KIAA1549: variants seen among roughly 807,000 people sequenced by gnomAD.
The protein encoded by KIAA1549 is UPF0606 protein KIAA1549.
A neutral mutation model predicts 156.4 loss-of-function variants in KIAA1549; 70 were observed. That is an observed-to-expected ratio of 0.45 (90% CI 0.37 to 0.55). The LOEUF (loss-of-function observed/expected upper bound fraction) is 0.55. Among genes scored for constraint, KIAA1549 ranks in the 20% least tolerant of loss-of-function variants. KIAA1549 has a pLI of 0.00. For missense variants in KIAA1549, 2,428 were observed against 2,540.9 expected, an observed-to-expected ratio of 0.96 and a Z score of 0.96; for synonymous variants, 1,103 against 1,066.4, an observed-to-expected ratio of 1.03 and a Z score of -0.67.
Position 138,918,292 on chromosome 7 carries a change from CCT to C in KIAA1549, c.1332_1333del (p.Asp446TrpfsTer20). 6.2e-7 allele frequency: 1 copy of C among 1,613,980 alleles called. No individual in the cohort carries two copies. Among genetic ancestry groups the C allele is most frequent in the Non-Finnish European group, 8.5e-7 (1 of 1,179,882 alleles). On this transcript the variant is annotated frameshift_variant, in exon 2 of 20. Coordinates refer to ENST00000422774, the MANE Select transcript of KIAA1549 (RefSeq NM_001164665.2). LOFTEE classifies it high-confidence loss of function. This position sits in a 1 kb window ranked among gnomAD's most constrained non-coding sequence, Gnocchi z 4.2. Reference sequence around the variant, plus strand: ...CATGCACAGAGTCTCGGCACCATCCCCTGATCCCACGTCTTTCTCCATGAGGC... The same window carrying C: ...CATGCACAGAGTCTCGGCACCATCCCGATCCCACGTCTTTCTCCATGAGGC...
At chr7:138,921,328 C>T (rs1812557418) in intron 1 of KIAA1549, among the ~76,000 whole-genome samples, 1 of 152,238 alleles carries the variant, frequency 6.6e-6, no homozygotes, top group Admixed American at 6.5e-5. Flanking sequence ...TCCTCAGGAT[C>T]ATGTCCTAGA....
At chr7:138,975,452 T>A (rs1584796090) in intron 1 of KIAA1549, among the ~76,000 whole-genome samples, 1 of 152,094 alleles carries the variant, frequency 6.6e-6, no homozygotes. Context: ...TATAAGTGCA[T>A]TCCAAGACAT....
rs559816415 is a variant in KIAA1549, at chr7:138,907,144, T to C, written c.3277-42A>G. The C allele has an allele frequency of 1.1e-5, 15 of 1,412,254 alleles. No individual in the cohort carries two copies. The Admixed American group carries it at 3.4e-4, about 32-fold the overall frequency. 87.5% of individuals were successfully genotyped at this position (1,412,254 alleles called of 1,614,324 possible). ...AGAATAAGCTTCTATAATAAAACATTCTGCTGAAAGCTTAACCATGATTTC... is the reference window on the plus strand; with the variant it reads ...AGAATAAGCTTCTATAATAAAACATCCTGCTGAAAGCTTAACCATGATTTC... On this transcript the variant is annotated intron_variant, in intron 5 of 19. Transcript: ENST00000422774.
At chr7:138,863,159 C>A (rs181239323) in intron 15 of KIAA1549, among the ~76,000 whole-genome samples, 23 of 151,976 alleles carry the variant, frequency 1.5e-4, no homozygotes, top group Non-Finnish European at 2.4e-4. Context: ...GCCCAAACAG[C>A]ATGGTGACTG....
rs567717863 is a variant in KIAA1549 at position 138,839,372 on chromosome 7, T to A, written c.5598+761A>T. The stretch of plus-strand genomic sequence containing the variant: ...AAGCAAATGAAAGCACTTGTAGGAA[T>A]TACCGATGCTCATATTGAGTGAACA... On this transcript the variant is annotated intron_variant, in intron 19 of 19. Coordinates refer to ENST00000422774, the MANE Select transcript of KIAA1549 (RefSeq NM_001164665.2). 3.9e-5 allele frequency among the ~76,000 whole-genome samples: 6 copies of A among 152,290 alleles called. No individual in the cohort carries two copies. In the East Asian group the frequency reaches 1.2e-3, roughly 29 times the overall value.
intron 1 of KIAA1549, among the ~76,000 whole-genome samples, chr7:138,947,650 C>T (rs1813375053): frequency 6.6e-6 from 1 of 152,194 alleles, no homozygotes; most frequent in Non-Finnish European, 1.5e-5. Flanking sequence ...ATTACACTTG[C>T]TAACATCTGA....
intron 13 of KIAA1549, among the ~76,000 whole-genome samples, chr7:138,870,052 T>C (rs112778321): frequency 6.2e-4 from 94 of 152,066 alleles, no homozygotes; most frequent in African/African-American, 2.2e-3. Flanking sequence ...GGTTTCTCTA[T>C]GTTGGCCAGG....
Position 138,918,006 on chromosome 7 carries a change from G to T in KIAA1549, c.1620C>A (p.Ser540=). 2 of 1,602,658 alleles carry T rather than the reference G, an allele frequency of 1.2e-6. No homozygotes were observed. Among genetic ancestry groups the T allele is most frequent in the Non-Finnish European group, 8.5e-7 (1 of 1,174,590 alleles). The stretch of plus-strand genomic sequence containing the variant: ...TCACTTGGGTTTCAGCAACAGACAA[G>T]GAGCCAGCAGTAGGATCAAGTGACG... ...VPASLDPTAG[S]LSVAETQVTP... The change falls in exon 2 of 20, where the codon TCC becomes TCA. Residue 540 remains serine (S), a synonymous_variant. Coordinates refer to ENST00000422774, the MANE Select transcript of KIAA1549 (RefSeq NM_001164665.2). The surrounding 1 kb of genome is among the most constrained non-coding windows in gnomAD (Gnocchi z 4.2).
rs145478284 is a variant in KIAA1549 at position 138,947,033 on chromosome 7, T to C, written c.188-27595A>G. ...AGAAAAACCACAGTAGAGCATTCAC[T>C]GGGATTTTATCTACTTCCACGTTCT... On this transcript the variant is annotated intron_variant, in intron 1 of 19. Transcript: ENST00000422774. Among the ~76,000 whole-genome samples, 1,050 of 152,198 alleles carry C rather than the reference T, an allele frequency of 6.9e-3. 10 individuals carry two copies. The highest frequency in any genetic ancestry group is 0.024 in the African/African-American group (995 of 41,504).
At position 138,917,751 on chromosome 7, in the gene KIAA1549, G is replaced by C; in HGVS notation, c.1875C>G (p.Ser625Arg). 6.3e-7 allele frequency: 1 copy of C among 1,583,196 alleles called. No homozygotes were observed. The highest frequency in any genetic ancestry group is 8.6e-7 in the Non-Finnish European group (1 of 1,164,584). ...GTTCCAGCGGGGGTGTTGAGAAAAA[G>C]CTGGATGCAAAATCCAAAGCACCTC... Reference protein sequence around the residue: ...KPRGALDFASSFFSTPPLELS... With the variant: ...KPRGALDFASRFFSTPPLELS... Residue 625 changes from serine to arginine, a missense_variant, in exon 2 of 20, where the codon AGC becomes AGG. Transcript: ENST00000422774.
intron 1 of KIAA1549, among the ~76,000 whole-genome samples, chr7:138,920,208 C>A: frequency 6.6e-6 from 1 of 152,188 alleles, no homozygotes; most frequent in Non-Finnish European, 1.5e-5. Flanking sequence ...TCACCCCCGC[C>A]TGGAATGCCC....
chr7:138,960,892 A>G (rs1217961831), intron 1 of KIAA1549, among the ~76,000 whole-genome samples: 3 of 152,282 alleles, frequency 2.0e-5, no homozygotes, highest in East Asian at 3.8e-4. Context: ...AACATAAATG[A>G]TAAGAATGCT....
chr7:138,881,125 T>C (rs1004491075), intron 11 of KIAA1549, among the ~76,000 whole-genome samples: 1 of 152,214 alleles, frequency 6.6e-6, no homozygotes, highest in Non-Finnish European at 1.5e-5. Context: ...TCAAGTCTGA[T>C]GGGGACCCCT....
At chr7:138,845,240 A>G (rs1810041531) in intron 17 of KIAA1549, among the ~76,000 whole-genome samples, 1 of 152,020 alleles carries the variant, frequency 6.6e-6, no homozygotes, top group Admixed American at 6.6e-5. Flanking sequence ...ACTATTCATC[A>G]ATCCTCCCTC....
At chr7:138,929,985 G>T (rs1033647727) in intron 1 of KIAA1549, among the ~76,000 whole-genome samples, 2 of 152,162 alleles carry the variant, frequency 1.3e-5, no homozygotes, top group African/African-American at 4.8e-5. Context: ...GCCATGAAAT[G>T]TATTTCTTAT....
intron 1 of KIAA1549, 108 bp from the exon 2 acceptor site, chr7:138,919,546 T>C: frequency 6.7e-7 from 1 of 1,502,616 alleles, no homozygotes; most frequent in Non-Finnish European, 8.9e-7. Context: ...CCATTCACCA[T>C]AAATATCCAT....
intron 9 of KIAA1549, among the ~76,000 whole-genome samples, chr7:138,898,236 G>C (rs1391934026): frequency 6.7e-6 from 1 of 150,000 alleles, no homozygotes. Context: ...GAACCCGGGA[G>C]GCAGAGGTTG....
chr7:138,894,575 C>T, intron 9 of KIAA1549, 49 bp from the exon 10 acceptor site: 2 of 1,559,926 alleles, frequency 1.3e-6, no homozygotes, highest in Non-Finnish European at 1.8e-6. Flanking sequence ...TTCACTCATG[C>T]ACTAGATTGC....
chr7:138,912,659 G>A (rs574912493), intron 2 of KIAA1549, among the ~76,000 whole-genome samples, 199 bp from the exon 3 acceptor site: 1 of 152,042 alleles, frequency 6.6e-6, no homozygotes, highest in South Asian at 2.1e-4. Flanking sequence ...CAGCAGTGGG[G>A]ACCTTGAAGA....
Sources: gnomAD v4.1 joint callset for allele counts (sites outside exome capture counted in the v4.1 genomes callset) on GRCh38, gnomAD v4.1.1 for gene constraint, Gnocchi (gnomAD v3.1) non-coding constraint, MANE v1.5 for transcripts, NCBI Gene and HGNC (gene_info 2026-07-23, HGNC 2026-07-21) for gene names.